PCDHGB1: variants seen among roughly 807,000 people sequenced by gnomAD.
PCDHGB1 encodes the protein protocadherin gamma subfamily B, 1.
PCDHGB1 carries 34 observed loss-of-function variants against 56.6 expected under a neutral mutation model. The observed-to-expected ratio is 0.60, with a 90% CI of 0.46 to 0.80. The LOEUF is 0.80. PCDHGB1 is among the 30% of genes least tolerant of loss of function. The pLI is 0.00. For missense variants in PCDHGB1, 1,278 were observed against 1,204.6 expected (o/e 1.06, Z -0.90); for synonymous variants, 561 against 505.9 (o/e 1.11, Z -1.46).
At chr5:141,464,916 T>C (rs1298310554) in intron 1 of PCDHGB1, among the ~76,000 whole-genome samples, 1 of 152,024 alleles carries the variant, frequency 6.6e-6, no homozygotes, top group Non-Finnish European at 1.5e-5. Flanking sequence ...TTTTTTTATT[T>C]TTTTGTAGAG....
chr5:141,400,579 A>G (rs748573702), intron 1 of PCDHGB1: 2 of 1,610,854 alleles, frequency 1.2e-6, no homozygotes, highest in Non-Finnish European at 1.7e-6. Flanking sequence ...TTCTGTATTT[A>G]CATGAAACTA....
At position 141,477,532 on chromosome 5, in the gene PCDHGB1, CG is replaced by C; in HGVS notation, c.2410-17271del. 6.2e-7 allele frequency: 1 copy of C among 1,614,146 alleles called. No individual in the cohort carries two copies. The highest frequency in any genetic ancestry group is 8.5e-7 in the Non-Finnish European group (1 of 1,180,028). Reference sequence around the variant, plus strand: ...TTTACATTGAAGAAAACAACCTCCCCGGGGCTCCAATACTAAACCTAAGTGT... The same window carrying C: ...TTTACATTGAAGAAAACAACCTCCCCGGGCTCCAATACTAAACCTAAGTGT... On this transcript the variant is annotated intron_variant, in intron 1 of 3. Transcript: ENST00000523390. This position sits in a 1 kb window ranked among gnomAD's most constrained non-coding sequence, Gnocchi z 4.9.
chr5:141,364,657 G>A (rs1232643990), intron 1 of PCDHGB1: 3 of 1,613,916 alleles, frequency 1.9e-6, no homozygotes, highest in African/African-American at 2.7e-5. Context: ...TTAACATCTT[G>A]GTTGAGAACA....
chr5:141,492,005 C>T (rs1444993907), intron 1 of PCDHGB1: 2 of 642,268 alleles, frequency 3.1e-6, no homozygotes, highest in Admixed American at 7.4e-5. Flanking sequence ...GGGCGATTTC[C>T]GCGGGTGTCG....
Position 141,423,756 on chromosome 5 carries a change from G to GA in PCDHGB1, c.2410-71051_2410-71050insA. ...GCCTGTTATGAAAACTGTTTGGGGGGGGGGTGGGGCGGCATATATTTAGTT... is the reference window on the plus strand; with the variant it reads ...GCCTGTTATGAAAACTGTTTGGGGGGAGGGGTGGGGCGGCATATATTTAGTT... On this transcript the variant is annotated intron_variant, in intron 1 of 3. Transcript: ENST00000523390. 2 of 448,622 alleles carry GA rather than the reference G, an allele frequency of 4.5e-6. 1 individual carries two copies. The highest frequency in any genetic ancestry group is 6.1e-6 in the Non-Finnish European group (2 of 329,708). 27.8% of individuals were successfully genotyped at this position (448,622 alleles called of 1,614,324 possible). A position where few individuals can be genotyped will look rare whatever the true frequency, so the allele number is the denominator to read the frequency against.
At chr5:141,366,743 C>G (rs561614642) in intron 1 of PCDHGB1, 2 of 1,611,598 alleles carry the variant, frequency 1.2e-6, no homozygotes, top group East Asian at 4.5e-5. Flanking sequence ...AGAAGAACGG[C>G]GAGTTCAGGT....
chr5:141,465,413 G>A (rs996581829), intron 1 of PCDHGB1, among the ~76,000 whole-genome samples: 1 of 152,174 alleles, frequency 6.6e-6, no homozygotes, highest in Non-Finnish European at 1.5e-5. Context: ...AGCCAAATCA[G>A]CACTGAAAGG....
intron 1 of PCDHGB1, chr5:141,478,920 CCAGTGG>C: frequency 2.7e-6 from 2 of 728,392 alleles, no homozygotes; most frequent in South Asian, 4.5e-5. Flanking sequence ...ATACCTCTAA[CCAGTGG>C]CAGCTTCTAG....
At position 141,487,550 on chromosome 5, in the gene PCDHGB1, G is replaced by A. The variant is rs762537798; in HGVS notation, c.2410-7257G>A. 1 of 1,614,160 alleles carries A rather than the reference G, an allele frequency of 6.2e-7. No individual in the cohort carries two copies. The highest frequency in any genetic ancestry group is 1.1e-5 in the South Asian group (1 of 91,082). ...CTTCATGATGGTGAAGTCACCCAGT[G>A]CACCTATGGCAGGGGAGCCTGTTCG... On this transcript the variant is annotated intron_variant, in intron 1 of 3. Transcript: ENST00000523390. The surrounding 1 kb of genome is among the most constrained non-coding windows in gnomAD (Gnocchi z 5.0).
chr5:141,394,972 A>G (rs766374618), intron 1 of PCDHGB1: 1 of 1,613,902 alleles, frequency 6.2e-7, no homozygotes, highest in Non-Finnish European at 8.5e-7. Context: ...AGGCGCTGGC[A>G]CAAGTCACGC....
intron 2 of PCDHGB1, among the ~76,000 whole-genome samples, chr5:141,504,359 A>C (rs988295720): frequency 2.6e-5 from 4 of 152,044 alleles, no homozygotes; most frequent in African/African-American, 9.7e-5. Flanking sequence ...TAGGTGCTTC[A>C]GTAGGAAGCA....
At chr5:141,360,588 A>G in intron 1 of PCDHGB1, 1 of 1,614,006 alleles carries the variant, frequency 6.2e-7, no homozygotes, top group Non-Finnish European at 8.5e-7. Flanking sequence ...CAGGTACAAC[A>G]TTTCCACTTG....
At chr5:141,407,124 T>C (rs1409043654) in intron 1 of PCDHGB1, among the ~76,000 whole-genome samples, 1 of 152,242 alleles carries the variant, frequency 6.6e-6, no homozygotes, top group Non-Finnish European at 1.5e-5. Flanking sequence ...TTTCAGTTGC[T>C]TTATTTTTAA....
intron 2 of PCDHGB1, among the ~76,000 whole-genome samples, chr5:141,502,186 CA>C (rs1470455379): frequency 1.3e-5 from 2 of 152,148 alleles, no homozygotes; most frequent in Non-Finnish European, 2.9e-5. Context: ...AACATTAATA[CA>C]ATAATATAGA....
intron 1 of PCDHGB1, chr5:141,364,769 G>C (rs755884627): frequency 6.2e-7 from 1 of 1,614,012 alleles, no homozygotes; most frequent in South Asian, 1.1e-5. Flanking sequence ...TGAAAATGCG[G>C]CTGCAGGGAC....
At chr5:141,419,674 C>A (rs372932653) in intron 1 of PCDHGB1, 1 of 1,612,938 alleles carries the variant, frequency 6.2e-7, no homozygotes, top group Non-Finnish European at 8.5e-7. Flanking sequence ...CCTGGCTGTC[C>A]TACCACGTGG....
At chr5:141,412,666 G>C (rs991501719) in intron 1 of PCDHGB1, 3 of 152,120 alleles carry the variant, frequency 2.0e-5, no homozygotes, top group African/African-American at 7.2e-5. Flanking sequence ...ACACTAATAT[G>C]ACCTAAAATA....
intron 1 of PCDHGB1, chr5:141,399,501 C>T (rs941107702): frequency 5.6e-6 from 9 of 1,614,032 alleles, no homozygotes; most frequent in Non-Finnish European, 7.6e-6. Flanking sequence ...TCAGTGTACC[C>T]GAAAACAACC....
At position 141,409,480 on chromosome 5, in the gene PCDHGB1, CAG is replaced by C. The variant is rs761811893; in HGVS notation, c.2409+56812_2409+56813del. 9 of 1,614,002 alleles carry C rather than the reference CAG, an allele frequency of 5.6e-6. No homozygotes were observed. In the Admixed American group the frequency reaches 8.3e-5, roughly 15 times the overall value. On this transcript the variant is annotated intron_variant, in intron 1 of 3. Transcript: ENST00000523390. ...ACAATGTCACCATCGTAGCCACTGA[CAG>C]GGGCAAGCCGCCTCTTTCTTCCAGT...
Sources: allele counts gnomAD v4.1 joint callset (sites outside exome capture counted in the v4.1 genomes callset), GRCh38; gene constraint gnomAD v4.1.1; non-coding constraint Gnocchi (gnomAD v3.1); transcripts MANE v1.5; gene names NCBI Gene and HGNC (gene_info 2026-07-23, HGNC 2026-07-21).